Variants in ZNF316 observed in about 807,000 individuals in gnomAD.
The protein encoded by ZNF316 is zinc finger protein 316.
ZNF316 carries 23 observed loss-of-function variants against 75.6 expected under a neutral mutation model. The ratio of observed to expected loss-of-function variants is 0.30; its 90% CI spans 0.22 to 0.43. The LOEUF is 0.43. ZNF316 is among the 20% of genes least tolerant of loss of function. The pLI, the probability that ZNF316 is intolerant of heterozygous loss-of-function variation, is 1.00. For missense variants in ZNF316, 1,266 were observed against 1,409.4 expected, an observed-to-expected ratio of 0.90 and a Z score of 1.63; for synonymous variants, 827 against 666.2, an observed-to-expected ratio of 1.24 and a Z score of -3.72.
chr7:6,652,376 C>T lies in ZNF316; in HGVS notation c.780C>T (p.Ala260=), dbSNP rs1434268537. The part of the protein sequence containing the change: ...EDDEDFLAEV[A]EEENEPPGLW... The stretch of plus-strand genomic sequence containing the variant: ...ACGAGGACTTCCTGGCGGAGGTGGC[C>T]GAGGAGGAGAACGAGCCCCCAGGGC... Residue 260 remains alanine (A), a synonymous_variant, in exon 9 of 9, where the codon GCC becomes GCT. Coordinates refer to ENST00000382252, the MANE Select transcript of ZNF316 (RefSeq NM_001278559.2). 4.1e-6 allele frequency: 5 copies of T among 1,232,274 alleles called. No homozygotes were observed. The highest frequency in any genetic ancestry group is 4.2e-5 in the Admixed American group (1 of 23,720). 76.3% of individuals were successfully genotyped at this position (1,232,274 alleles called of 1,614,324 possible). A position where few individuals can be genotyped will look rare whatever the true frequency, so the allele number is the denominator to read the frequency against.
intron 8 of ZNF316, among the ~76,000 whole-genome samples, chr7:6,645,993 CA>C (rs58670070): frequency 0.12 from 12,280 of 98,630 alleles, 804 homozygotes; most frequent in East Asian, 0.32. Flanking sequence ...GACGCCATCT[CA>C]AAAAAAAAAA....
At position 6,654,282 on chromosome 7, in the gene ZNF316, T is replaced by C; in HGVS notation, c.2686T>C (p.Phe896Leu). Residue 896 changes from phenylalanine to leucine, a missense_variant, in exon 9 of 9, where the codon TTT (phenylalanine) becomes CTT (leucine). Coordinates refer to ENST00000382252, the MANE Select transcript of ZNF316 (RefSeq NM_001278559.2). ...CCCGTGCCCTGAGTGCGGCAAGCGC[T>C]TTTCGCAGCGCTCGGTGCTGGTCAC... ...PFPCPECGKR[F>L]SQRSVLVTHQ... 8.2e-7 allele frequency: 1 copy of C among 1,224,388 alleles called. No homozygotes were observed. The highest frequency in any genetic ancestry group is 1.0e-6 in the Non-Finnish European group (1 of 982,648). 75.8% of individuals were successfully genotyped at this position (1,224,388 alleles called of 1,614,324 possible).
chr7:6,652,704 G>A lies in ZNF316; in HGVS notation c.1108G>A (p.Val370Ile). 8.1e-7 allele frequency: 1 copy of A among 1,238,178 alleles called. No homozygotes were observed. The highest frequency in any genetic ancestry group is 1.0e-6 in the Non-Finnish European group (1 of 990,736). 76.7% of individuals were successfully genotyped at this position (1,238,178 alleles called of 1,614,324 possible). The change falls in exon 9 of 9, where the codon GTC (valine) becomes ATC (isoleucine). Residue 370 changes from valine to isoleucine, a missense_variant. By Grantham distance (29) the Val-to-Ile change is conservative. Coordinates refer to ENST00000382252, the MANE Select transcript of ZNF316 (RefSeq NM_001278559.2). ...LAKHQRYHAA[V>I]KPFGCEECGK... ...CAAGCACCAGCGCTACCACGCGGCC[G>A]TCAAGCCCTTCGGCTGCGAGGAGTG...
intron 2 of ZNF316, among the ~76,000 whole-genome samples, chr7:6,638,810 T>A (rs1335699113): frequency 2.0e-5 from 3 of 152,176 alleles, no homozygotes; most frequent in Non-Finnish European, 4.4e-5. Context: ...TGAGACCCCC[T>A]GTGGCCTCTG....
At position 6,658,125 on chromosome 7, in the gene ZNF316, CT is replaced by C. The variant is rs1300660022; in HGVS notation, c.*3518del. On this transcript the variant is annotated 3_prime_UTR_variant, in exon 9 of 9. Coordinates refer to ENST00000382252, the MANE Select transcript of ZNF316 (RefSeq NM_001278559.2). The stretch of plus-strand genomic sequence containing the variant: ...TTTGCCGGTTTCCCCAACCTCCTTC[CT>C]TTTCTGATTCATTCCTTTTATCCTG... 2.0e-5 allele frequency among the ~76,000 whole-genome samples: 3 copies of C among 152,114 alleles called. No homozygotes were observed. The highest frequency in any genetic ancestry group is 7.2e-5 in the African/African-American group (3 of 41,416).
At chr7:6,645,289 C>T (rs1054992580) in intron 8 of ZNF316, among the ~76,000 whole-genome samples, 9 of 152,240 alleles carry the variant, frequency 5.9e-5, no homozygotes, top group African/African-American at 2.2e-4. Flanking sequence ...TCAGAGAGCT[C>T]TGCAGAGGCC....
At chr7:6,648,670 T>C (rs1470621451) in intron 8 of ZNF316, among the ~76,000 whole-genome samples, 2 of 151,810 alleles carry the variant, frequency 1.3e-5, no homozygotes, top group African/African-American at 2.4e-5. Context: ...GTCATAGGAG[T>C]GGAATTCACA....
Position 6,644,501 on chromosome 7 carries a change from A to G in ZNF316, c.614A>G (p.Asp205Gly). 8.1e-7 allele frequency: 1 copy of G among 1,232,262 alleles called. No homozygotes were observed. Among genetic ancestry groups the G allele is most frequent in the Non-Finnish European group, 1.0e-6 (1 of 988,050 alleles). 76.3% of individuals were successfully genotyped at this position (1,232,262 alleles called of 1,614,324 possible). A position where few individuals can be genotyped will look rare whatever the true frequency, so the allele number is the denominator to read the frequency against. Residue 205 changes from aspartate to glycine, a missense_variant, in exon 8 of 9, where the codon GAT becomes GGT. Asp to Gly is a moderately conservative substitution (Grantham distance 94). Coordinates refer to ENST00000382252, the MANE Select transcript of ZNF316 (RefSeq NM_001278559.2). ...VSLGYPIPKP[D>G]LIFRLEQGEE... ...GCAGGATACCCAATTCCCAAGCCCG[A>G]TCTGATCTTCCGGCTGGAACAAGGG... is the stretch of plus-strand genomic sequence containing the variant.
In ZNF316 at chr7:6,656,153, T is replaced by A. The variant is rs1339228077; in HGVS notation, c.*1542T>A. 3 of 151,516 alleles carry A rather than the reference T, an allele frequency of 2.0e-5. No individual in the cohort carries two copies. The highest frequency in any genetic ancestry group is 7.3e-5 in the African/African-American group (3 of 41,108). The allele number at this position is 151,516 out of a possible 1,614,324, so 9.4% of individuals were successfully genotyped here. ...GTGGCGGTCAGTTAGCCTGGCTGGGTGAGGTTGGTGAGGTTGCGGGGCGGG... is the reference window on the plus strand; with the variant it reads ...GTGGCGGTCAGTTAGCCTGGCTGGGAGAGGTTGGTGAGGTTGCGGGGCGGG... On this transcript the variant is annotated 3_prime_UTR_variant, in exon 9 of 9. Coordinates refer to ENST00000382252, the MANE Select transcript of ZNF316 (RefSeq NM_001278559.2).
rs561115590 is a variant in ZNF316, at chr7:6,647,122, C to T, written c.706+2529C>T. On this transcript the variant is annotated intron_variant, in intron 8 of 8. Transcript: ENST00000382252. ...GTGCCTGCCAGTGGCATTGGCCTGG[C>T]GGGCCAGCCCTGTACTTGTGGGACT... Among the ~76,000 whole-genome samples the T allele has an allele frequency of 9.8e-5, 15 of 152,324 alleles. No homozygotes were observed. In the South Asian group the frequency reaches 2.3e-3, roughly 23 times the overall value.
rs1248559061 is a variant in ZNF316, at chr7:6,657,307, A to T, written c.*2696A>T. On this transcript the variant is annotated 3_prime_UTR_variant, in exon 9 of 9. Transcript: ENST00000382252. ...CCGCGCCCGGCCAGAGCAACCTAATATTTCAAAAAAAAAAAAAAAAAAAAA... is the reference window on the plus strand; with the variant it reads ...CCGCGCCCGGCCAGAGCAACCTAATTTTTCAAAAAAAAAAAAAAAAAAAAA... Among the ~76,000 whole-genome samples, 1 of 109,538 alleles carries T rather than the reference A, an allele frequency of 9.1e-6. No individual in the cohort carries two copies. Among genetic ancestry groups the T allele is most frequent in the African/African-American group, 4.0e-5 (1 of 24,824 alleles). 71.9% of individuals were successfully genotyped at this position (109,538 alleles called of 152,430 possible).
chr7:6,653,708 C>A lies in ZNF316; in HGVS notation c.2112C>A (p.Ala704=). ...SDCGKTFGRR[A]ALAKHQRYHA... ...GCGGCAAGACGTTTGGGCGCCGGGCCGCGCTGGCCAAGCACCAGCGCTACC... is the reference window on the plus strand; with the variant it reads ...GCGGCAAGACGTTTGGGCGCCGGGCAGCGCTGGCCAAGCACCAGCGCTACC... The change falls in exon 9 of 9, where the codon GCC becomes GCA. Residue 704 remains alanine (A), a synonymous_variant. Coordinates refer to ENST00000382252, the MANE Select transcript of ZNF316 (RefSeq NM_001278559.2). 9.1e-7 allele frequency: 1 copy of A among 1,096,372 alleles called. No homozygotes were observed. Among genetic ancestry groups the A allele is most frequent in the Non-Finnish European group, 1.1e-6 (1 of 899,592 alleles). 67.9% of individuals were successfully genotyped at this position (1,096,372 alleles called of 1,614,324 possible). A position where few individuals can be genotyped will look rare whatever the true frequency, so the allele number is the denominator to read the frequency against.
At position 6,654,104 on chromosome 7, in the gene ZNF316, C is replaced by A; in HGVS notation, c.2508C>A (p.Cys836Ter). The A allele has an allele frequency of 8.2e-7, 1 of 1,219,340 alleles. No individual in the cohort carries two copies. Among genetic ancestry groups the A allele is most frequent in the Non-Finnish European group, 1.0e-6 (1 of 979,178 alleles). The allele number at this position is 1,219,340 out of a possible 1,614,324, so 75.5% of individuals were successfully genotyped here. The change falls in exon 9 of 9, where the codon TGC (cysteine) becomes TGA (stop). Residue 836 changes from cysteine to a stop codon, truncating the protein, a stop_gained. Transcript: ENST00000382252. LOFTEE classifies it high-confidence loss of function. ...AEEKPHRCPD[C>*]GKGFGHSSDF... is the part of the protein sequence containing the mutation. ...AGAAGCCGCACCGCTGCCCCGACTG[C>A]GGCAAGGGCTTCGGCCACAGCTCGG...
intron 8 of ZNF316, among the ~76,000 whole-genome samples, chr7:6,651,168 T>C (rs149458759): frequency 9.4e-5 from 14 of 148,354 alleles, no homozygotes; most frequent in African/African-American, 3.2e-4. Context: ...TGACCAACAC[T>C]GAGAAACCCC....
intron 8 of ZNF316, 69 bp downstream of exon 8, chr7:6,644,662 C>G: frequency 1.1e-6 from 1 of 872,788 alleles, no homozygotes. Flanking sequence ...CTTTGGCCTT[C>G]ACTGCGCTCT....
chr7:6,647,477 GATCTCCCTAAGGCC>G, intron 8 of ZNF316, among the ~76,000 whole-genome samples: 1 of 152,370 alleles, frequency 6.6e-6, no homozygotes, highest in East Asian at 1.9e-4. Context: ...CGTGAGAGAA[GATCTCCCTAAGGCC>G]ATCTGGAGTT....
chr7:6,643,115 G>T, intron 6 of ZNF316, 42 bp downstream of exon 6: 1 of 1,232,524 alleles, frequency 8.1e-7, no homozygotes, highest in South Asian at 4.1e-5. Flanking sequence ...AACCTGGGCA[G>T]GGTTTCCCCC....
At chr7:6,650,397 C>T (rs941183557) in intron 8 of ZNF316, among the ~76,000 whole-genome samples, 11 of 152,148 alleles carry the variant, frequency 7.2e-5, no homozygotes, top group Admixed American at 3.3e-4. Context: ...GATAGTAAAC[C>T]GATAAAGTAT....
Position 6,654,573 on chromosome 7 carries a change from G to A in ZNF316, c.2977G>A (p.Ala993Thr), listed in dbSNP as rs933785967. The A allele has an allele frequency of 5.9e-6, 7 of 1,187,316 alleles. No homozygotes were observed. The highest frequency in any genetic ancestry group is 4.8e-5 in the African/African-American group (3 of 62,294). The allele number at this position is 1,187,316 out of a possible 1,614,324, so 73.5% of individuals were successfully genotyped here. A position where few individuals can be genotyped will look rare whatever the true frequency, so the allele number is the denominator to read the frequency against. ...SFGSEHQAAF[A>T]GPSGAYREGV... Reference sequence around the variant, plus strand: ...CGGCTCCGAGCACCAGGCCGCGTTCGCCGGGCCCTCGGGCGCCTACCGGGA... The same window carrying A: ...CGGCTCCGAGCACCAGGCCGCGTTCACCGGGCCCTCGGGCGCCTACCGGGA... Residue 993 changes from alanine to threonine, a missense_variant, in exon 9 of 9, where the codon GCC (alanine) becomes ACC (threonine). This residue lies in a region of ZNF316 where 111 missense variants were observed against 99.2 expected (regional missense o/e 1.12). Transcript: ENST00000382252.
Sources: allele counts gnomAD v4.1 joint callset (sites outside exome capture counted in the v4.1 genomes callset), GRCh38; gene constraint gnomAD v4.1.1; regional missense constraint gnomAD v4.1.1; transcripts MANE v1.5; gene names NCBI Gene and HGNC (gene_info 2026-07-23, HGNC 2026-07-21).